Variants in ARHGAP15 observed in about 807,000 individuals in gnomAD.
ARHGAP15 encodes the protein Rho GTPase activating protein 15.
A neutral mutation model predicts 63.7 loss-of-function variants in ARHGAP15; 51 were observed. The observed-to-expected ratio is 0.80, with a 90% CI of 0.64 to 1.01. The LOEUF (loss-of-function observed/expected upper bound fraction) is 1.01, where lower values mean the gene tolerates loss of function less well. Ranked by LOEUF, ARHGAP15 falls within the 50% of genes least tolerant of loss-of-function variation. ARHGAP15 has a pLI of 0.00. For synonymous variants in ARHGAP15, 191 were observed against 193.8 expected, an observed-to-expected ratio of 0.99 and a Z score of 0.12; for missense variants, 560 against 564.6, an observed-to-expected ratio of 0.99 and a Z score of 0.08.
chr2:143,696,601 A>G (rs1166556023), intron 12 of ARHGAP15, among the ~76,000 whole-genome samples: 1 of 152,126 alleles, frequency 6.6e-6, no homozygotes, highest in African/African-American at 2.4e-5. Context: ...CCCTCATTTA[A>G]CAAATCCATA....
intron 11 of ARHGAP15, among the ~76,000 whole-genome samples, chr2:143,578,513 T>C (rs1696762741): frequency 6.6e-6 from 1 of 152,160 alleles, no homozygotes; most frequent in South Asian, 2.1e-4. Flanking sequence ...GTTGAAATCT[T>C]TGATGACTCT....
At chr2:143,226,956 G>C (rs1032506749) in intron 4 of ARHGAP15, among the ~76,000 whole-genome samples, 2 of 152,092 alleles carry the variant, frequency 1.3e-5, no homozygotes, top group East Asian at 1.9e-4. Context: ...ATTACGCAAA[G>C]ATCTTCAATA....
At chr2:143,468,699 A>G (rs1315344499) in intron 8 of ARHGAP15, among the ~76,000 whole-genome samples, 1 of 151,066 alleles carries the variant, frequency 6.6e-6, no homozygotes, top group Non-Finnish European at 1.5e-5. Context: ...GTAAAAGTTA[A>G]GAGGTGTGCA....
At chr2:143,417,249 C>T (rs1165768640) in intron 6 of ARHGAP15, among the ~76,000 whole-genome samples, 1 of 151,992 alleles carries the variant, frequency 6.6e-6, no homozygotes, top group Non-Finnish European at 1.5e-5. Flanking sequence ...TTTCTAATTG[C>T]ATTTTGTAAT....
intron 6 of ARHGAP15, among the ~76,000 whole-genome samples, chr2:143,308,384 G>A (rs1402129270): frequency 1.3e-5 from 2 of 151,814 alleles, no homozygotes; most frequent in Admixed American, 1.3e-4. Flanking sequence ...TAGCTCACTG[G>A]ATAATATTAG....
In ARHGAP15 at chr2:143,153,777, ATCTTCT is replaced by A. The variant is rs1175995548; in HGVS notation, c.-14-1637_-14-1632del. On this transcript the variant is annotated intron_variant, in intron 1 of 13. Coordinates refer to ENST00000295095, the MANE Select transcript of ARHGAP15 (RefSeq NM_018460.4). ...TTATATAAATGAAATTATATAATAA[ATCTTCT>A]TCTTCTTCTTCTTCTTCTTCTTCTT... Among the ~76,000 whole-genome samples, 763 of 85,210 alleles carry A rather than the reference ATCTTCT, an allele frequency of 9.0e-3. 17 individuals are homozygous for A. The highest frequency in any genetic ancestry group is 0.023 in the African/African-American group (541 of 23,158). The allele number at this position is 85,210 out of a possible 152,430, so 55.9% of individuals were successfully genotyped here.
At chr2:143,568,805 C>T (rs892197542) in intron 11 of ARHGAP15, among the ~76,000 whole-genome samples, 8 of 152,168 alleles carry the variant, frequency 5.3e-5, no homozygotes, top group African/African-American at 1.9e-4. Context: ...AAATGTGGCA[C>T]ATATACACCA....
In ARHGAP15 at chr2:143,164,446, T is replaced by C. The variant is rs372831623; in HGVS notation, c.165+8791T>C. Among the ~76,000 whole-genome samples the C allele has an allele frequency of 4.0e-4, 61 of 152,148 alleles. No individual in the cohort carries two copies. The East Asian group carries it at 7.4e-3, about 18-fold the overall frequency. On this transcript the variant is annotated intron_variant, in intron 2 of 13. Coordinates refer to ENST00000295095, the MANE Select transcript of ARHGAP15 (RefSeq NM_018460.4). ...TATGAAATCTCATATGCTTCTCCTT[T>C]GAGGTGATGGATTTTTATGATTCCT...
chr2:143,591,380 T>G (rs1448496198), intron 11 of ARHGAP15, among the ~76,000 whole-genome samples: 1 of 152,180 alleles, frequency 6.6e-6, no homozygotes, highest in Non-Finnish European at 1.5e-5. Context: ...CTTAAAAATG[T>G]GGATCCTGGA....
chr2:143,357,389 T>C (rs902988523), intron 6 of ARHGAP15, among the ~76,000 whole-genome samples: 1 of 151,824 alleles, frequency 6.6e-6, no homozygotes, highest in Admixed American at 6.6e-5. Context: ...TGAAGCAAAA[T>C]ACAAAAACAC....
chr2:143,318,838 A>G (rs570686982), intron 6 of ARHGAP15, among the ~76,000 whole-genome samples: 7 of 152,278 alleles, frequency 4.6e-5, no homozygotes, highest in South Asian at 2.1e-4. Context: ...TTAATGCTCA[A>G]TAACTGCTTG....
intron 6 of ARHGAP15, among the ~76,000 whole-genome samples, chr2:143,267,465 A>G (rs1179880237): frequency 6.6e-6 from 1 of 152,192 alleles, no homozygotes; most frequent in Non-Finnish European, 1.5e-5. Context: ...TGTTGGGAAT[A>G]TGGGAAATTT....
At chr2:143,319,630 T>G (rs1490383645) in intron 6 of ARHGAP15, among the ~76,000 whole-genome samples, 1 of 152,208 alleles carries the variant, frequency 6.6e-6, no homozygotes, top group Non-Finnish European at 1.5e-5. Flanking sequence ...TATTCTTCTT[T>G]CCTACTTATT....
At chr2:143,481,634 G>A (rs565487266) in intron 8 of ARHGAP15, among the ~76,000 whole-genome samples, 35 of 152,204 alleles carry the variant, frequency 2.3e-4, no homozygotes, top group African/African-American at 8.4e-4. Context: ...TCCATCCAGA[G>A]GGCATTGTTT....
At chr2:143,669,316 C>G (rs1410268370) in intron 12 of ARHGAP15, among the ~76,000 whole-genome samples, 4 of 152,182 alleles carry the variant, frequency 2.6e-5, no homozygotes, top group African/African-American at 9.7e-5. Context: ...TACTATATTA[C>G]CTCTCCCATG....
At chr2:143,714,318 C>T (rs559984094) in intron 13 of ARHGAP15, among the ~76,000 whole-genome samples, 81 of 152,296 alleles carry the variant, frequency 5.3e-4, no homozygotes, top group Admixed American at 1.6e-3. Context: ...GGCTGGGATG[C>T]AGGGTACCAC....
rs201067319 is a variant in ARHGAP15 at position 143,327,908 on chromosome 2, CAA to C, written c.474+77319_474+77320del. On this transcript the variant is annotated intron_variant, in intron 6 of 13. Coordinates refer to ENST00000295095, the MANE Select transcript of ARHGAP15 (RefSeq NM_018460.4). ...AAAGAACTTAAACAAATTTACAAGA[CAA>C]AAAAAAAAAATCCAAAAAGTGAGCA... is the stretch of plus-strand genomic sequence containing the variant. Among the ~76,000 whole-genome samples, 585 of 144,786 alleles carry C rather than the reference CAA, an allele frequency of 4.0e-3. 1 individual carries two copies. The highest frequency in any genetic ancestry group is 6.5e-3 in the Non-Finnish European group (436 of 66,714). 95.0% of individuals were successfully genotyped at this position (144,786 alleles called of 152,430 possible). A position where few individuals can be genotyped will look rare whatever the true frequency, so the allele number is the denominator to read the frequency against.
At chr2:143,466,642 T>C (rs1256787396) in intron 8 of ARHGAP15, among the ~76,000 whole-genome samples, 1 of 152,072 alleles carries the variant, frequency 6.6e-6, no homozygotes. Context: ...TCCATCCTCT[T>C]TTTTGTGCAC....
At chr2:143,748,008 T>C (rs960306863) in intron 13 of ARHGAP15, among the ~76,000 whole-genome samples, 3 of 152,226 alleles carry the variant, frequency 2.0e-5, no homozygotes, top group Non-Finnish European at 4.4e-5. Context: ...CTTCACCTTC[T>C]TGCTTCTGTT....
Sources: gnomAD v4.1 joint callset for allele counts (sites outside exome capture counted in the v4.1 genomes callset) on GRCh38, gnomAD v4.1.1 for gene constraint, MANE v1.5 for transcripts, NCBI Gene and HGNC (gene_info 2026-07-23, HGNC 2026-07-21) for gene names.